MEG3: variants seen among roughly 807,000 people sequenced by gnomAD.
MEG3 encodes the protein maternally expressed 3.
At chr14:100,844,341 C>CT (rs1024295834) in intron 2 of MEG3, among the ~76,000 whole-genome samples, 1 of 152,210 alleles carries the variant, frequency 6.6e-6, no homozygotes, top group African/African-American at 2.4e-5. Flanking sequence ...CCTGGCTGCC[C>CT]TATCACCTAG....
chr14:100,838,942 C>T (rs774005701), intron 2 of MEG3, among the ~76,000 whole-genome samples: 34 of 152,128 alleles, frequency 2.2e-4, no homozygotes, highest in Non-Finnish European at 3.7e-4. Context: ...GTGATTCAAA[C>T]CCCAAATGAA....
At chr14:100,834,811 G>A (rs2037510901) in exon 1 of MEG3, 6 of 456,742 alleles carry the variant, frequency 1.3e-5, no homozygotes, top group South Asian at 9.3e-5. Context: ...CATGCGAAGA[G>A]TTCTAGGTGC....
exon 1 of MEG3, chr14:100,859,137 C>T (rs923805473): frequency 3.3e-5 from 5 of 152,258 alleles, no homozygotes; most frequent in African/African-American, 1.2e-4. Flanking sequence ...AATAGATGCT[C>T]GCCACCTGTG....
At chr14:100,839,051 TA>T (rs1338247821) in intron 2 of MEG3, among the ~76,000 whole-genome samples, 1 of 152,124 alleles carries the variant, frequency 6.6e-6, no homozygotes, top group Non-Finnish European at 1.5e-5. Context: ...TAAAATAACT[TA>T]AGTGTGTTTT....
chr14:100,835,197 T>G, exon 1 of MEG3: 1 of 246,308 alleles, frequency 4.1e-6, no homozygotes. Flanking sequence ...CCATTCCTGA[T>G]GCTGAACTGT....
At chr14:100,841,412 G>A (rs1042434881) in intron 2 of MEG3, among the ~76,000 whole-genome samples, 9 of 152,222 alleles carry the variant, frequency 5.9e-5, no homozygotes, top group African/African-American at 9.6e-5. Flanking sequence ...CGAGTGGCTC[G>A]GGGTTTCTTC....
At chr14:100,834,836 G>A (rs544806705) in exon 1 of MEG3, 1 of 456,494 alleles carries the variant, frequency 2.2e-6, no homozygotes, top group African/African-American at 2.0e-5. Context: ...GCTGGAGGGT[G>A]GAATTCATTT....
rs1281308415 is a variant in MEG3 at position 100,837,519 on chromosome 14, C to T, written n.3045+1219C>T. ...AGGGGGCCCTAGCACTGTCCTTGGC[C>T]CAGATGCCAATACTCCCCTCTGGAC... On this transcript the variant is annotated intron_variant and non_coding_transcript_variant, in intron 2 of 3. Transcript: ENST00000398461. The surrounding 1 kb of genome is among the most constrained non-coding windows in gnomAD (Gnocchi z 5.8). 1.3e-5 allele frequency among the ~76,000 whole-genome samples: 2 copies of T among 152,042 alleles called. No individual in the cohort carries two copies. The highest frequency in any genetic ancestry group is 4.8e-5 in the African/African-American group (2 of 41,378).
chr14:100,856,844 T>G (rs942507164), upstream of MEG3: 2 of 152,288 alleles, frequency 1.3e-5, no homozygotes, highest in East Asian at 3.9e-4. Flanking sequence ...CACCTACTTG[T>G]GTCCGCCTTC....
chr14:100,836,290 C>T (rs938094972), exon 2 of MEG3: 18 of 456,500 alleles, frequency 3.9e-5, no homozygotes, highest in African/African-American at 3.4e-4. Context: ...TCGTCTCCTT[C>T]CTGGTTTGGG....
At chr14:100,860,781 A>G (rs910704501) in exon 2 of MEG3, 29 of 448,084 alleles carry the variant, frequency 6.5e-5, no homozygotes, top group Admixed American at 6.0e-4. Context: ...TTGAGTAGAG[A>G]CCCGCCCTCT....
At chr14:100,833,917 T>G (rs1358537713), downstream of MEG3, 2 of 152,256 alleles carry the variant, frequency 1.3e-5, no homozygotes, top group African/African-American at 4.8e-5. Context: ...AAAGGTTCTC[T>G]GGCTTCGTGA....
chr14:100,828,369 TCC>T (rs1472269089), intron 1 of MEG3, among the ~76,000 whole-genome samples: 2 of 148,476 alleles, frequency 1.3e-5, no homozygotes, highest in Non-Finnish European at 3.0e-5. Flanking sequence ...ATTTCTCCTC[TCC>T]CTCCACCCTT....
At chr14:100,860,845 AC>A (rs895349932) in exon 2 of MEG3, 68 of 364,898 alleles carry the variant, frequency 1.9e-4, no homozygotes, top group African/African-American at 1.4e-3. Context: ...ACCCCTGCCC[AC>A]CCCGCAGGAA....
chr14:100,857,308 C>T (rs757620708), exon 1 of MEG3: 1 of 152,204 alleles, frequency 6.6e-6, no homozygotes, highest in Non-Finnish European at 1.5e-5. Flanking sequence ...AACCCTTTGC[C>T]TCTTTGACCC....
downstream of MEG3, chr14:100,832,125 T>G (rs1217249986): frequency 7.0e-6 from 1 of 142,284 alleles, no homozygotes. Context: ...AAAAAAAAAG[T>G]AGGAAAGGGA....
At chr14:100,852,934 T>G (rs1437221026), upstream of MEG3, 3 of 155,262 alleles carry the variant, frequency 1.9e-5, no homozygotes, top group African/African-American at 7.2e-5. Context: ...ATTCTGTGTG[T>G]CCTTTTGGAA....
exon 1 of MEG3, chr14:100,859,317 G>A (rs1230013603): frequency 6.6e-6 from 1 of 152,208 alleles, no homozygotes; most frequent in East Asian, 1.9e-4. Context: ...TCCTGCCGGG[G>A]ACAGGCAGTC....
At chr14:100,833,185 A>AG (rs1266309960), downstream of MEG3, 1 of 152,194 alleles carries the variant, frequency 6.6e-6, no homozygotes, top group African/African-American at 2.4e-5. Flanking sequence ...AATTGGGCAC[A>AG]GGGGGCTAGT....
Sources: allele counts gnomAD v4.1 joint callset (sites outside exome capture counted in the v4.1 genomes callset), GRCh38; gene constraint gnomAD v4.1.1; non-coding constraint Gnocchi (gnomAD v3.1); transcripts MANE v1.5; gene names NCBI Gene and HGNC (gene_info 2026-07-23, HGNC 2026-07-21).